Variants in FAM98B observed in about 807,000 individuals in gnomAD.
The protein encoded by FAM98B is tRNA-splicing ligase complex subunit FAM98B.
A neutral mutation model predicts 43.9 loss-of-function variants in FAM98B; 32 were observed. The ratio of observed to expected loss-of-function variants is 0.73; its 90% CI spans 0.55 to 0.98. The LOEUF is 0.98. FAM98B is among the 50% of genes least tolerant of loss of function. The pLI is 0.00. For missense variants in FAM98B, 514 were observed against 522.9 expected, an observed-to-expected ratio of 0.98 and a Z score of 0.17; for synonymous variants, 190 against 174.0, an observed-to-expected ratio of 1.09 and a Z score of -0.72.
intron 6 of FAM98B, among the ~76,000 whole-genome samples, chr15:38,476,562 A>T (rs1202674689): frequency 1.3e-5 from 2 of 151,406 alleles, no homozygotes; most frequent in Non-Finnish European, 2.9e-5. Flanking sequence ...TTTCTCAGAA[A>T]TGTTTTTAAC....
intron 2 of FAM98B, among the ~76,000 whole-genome samples, chr15:38,464,669 G>A (rs1295054914): frequency 1.3e-5 from 2 of 152,122 alleles, no homozygotes; most frequent in Non-Finnish European, 2.9e-5. Context: ...TTAGTAACTG[G>A]AGTCCTGTGG....
At chr15:38,458,893 G>GT in intron 1 of FAM98B, 1 of 442,112 alleles carries the variant, frequency 2.3e-6, no homozygotes, top group Admixed American at 2.5e-5. Context: ...GGTGGAAGAT[G>GT]TAAGAAGCAG....
At position 38,474,418 on chromosome 15, in the gene FAM98B, C is replaced by T. The variant is rs1469657866; in HGVS notation, c.729+120C>T. ...TTCATCACCATCTCAACTACATGCC[C>T]AGGCCAACTACTGGTCTTACAAGAT... On this transcript the variant is annotated intron_variant, in intron 6 of 7. Coordinates refer to ENST00000397609, the MANE Select transcript of FAM98B (RefSeq NM_173611.4). 6.6e-6 allele frequency: 4 copies of T among 602,316 alleles called. No homozygotes were observed. The East Asian group carries it at 7.7e-5, about 12-fold the overall frequency. 37.3% of individuals were successfully genotyped at this position (602,316 alleles called of 1,614,324 possible).
At chr15:38,468,749 C>A (rs1890077577) in intron 3 of FAM98B, among the ~76,000 whole-genome samples, 1 of 152,166 alleles carries the variant, frequency 6.6e-6, no homozygotes, top group African/African-American at 2.4e-5. Flanking sequence ...CCAACTCCTA[C>A]TTGTAGATCT....
chr15:38,468,383 C>A lies in FAM98B; in HGVS notation c.353-1844C>A, dbSNP rs150783241. Among the ~76,000 whole-genome samples, 537 of 152,108 alleles carry A rather than the reference C, an allele frequency of 3.5e-3. 3 individuals are homozygous for A. Among genetic ancestry groups the A allele is most frequent in the African/African-American group, 0.012 (511 of 41,460 alleles). ...GGGACTACAGGCGTACACCACCATG[C>A]CTAGCAAATTTTTAAAAAATATTTT... is the stretch of plus-strand genomic sequence containing the variant. On this transcript the variant is annotated intron_variant, in intron 3 of 7. Coordinates refer to ENST00000397609, the MANE Select transcript of FAM98B (RefSeq NM_173611.4).
chr15:38,484,081 A>G (rs367743961), intron 7 of FAM98B, among the ~76,000 whole-genome samples, 174 bp from the exon 8 acceptor site: 9 of 151,672 alleles, frequency 5.9e-5, no homozygotes, highest in Non-Finnish European at 4.4e-5. Context: ...CCTTTAACAG[A>G]TTTCTCCTTA....
chr15:38,459,247 C>G, intron 1 of FAM98B: 2 of 473,922 alleles, frequency 4.2e-6, no homozygotes, highest in Non-Finnish European at 8.4e-6. Context: ...CACACAGATC[C>G]TCCTTTGATC....
intron 3 of FAM98B, among the ~76,000 whole-genome samples, chr15:38,469,227 G>A (rs1046257442): frequency 2.4e-4 from 26 of 109,866 alleles, no homozygotes; most frequent in Admixed American, 4.6e-4. Flanking sequence ...CTTACCTACC[G>A]TAGTGAAGAG....
intron 1 of FAM98B, among the ~76,000 whole-genome samples, chr15:38,456,843 T>A (rs1220186018): frequency 6.6e-6 from 1 of 152,212 alleles, no homozygotes; most frequent in Non-Finnish European, 1.5e-5. Flanking sequence ...AGGAGGCTAA[T>A]GTGGTTGGAA....
chr15:38,484,787 TGA>T lies in FAM98B; in HGVS notation c.*129_*130del. Reference sequence around the variant, plus strand: ...TTAGACTCCCTGGTGATACCACTCTTGAATTGGTTAATATGTAAGAACATTGT... The same window carrying T: ...TTAGACTCCCTGGTGATACCACTCTTATTGGTTAATATGTAAGAACATTGT... On this transcript the variant is annotated 3_prime_UTR_variant, in exon 8 of 8. Coordinates refer to ENST00000397609, the MANE Select transcript of FAM98B (RefSeq NM_173611.4). The T allele has an allele frequency of 7.3e-7, 1 of 1,363,014 alleles. No individual in the cohort carries two copies. The highest frequency in any genetic ancestry group is 9.6e-7 in the Non-Finnish European group (1 of 1,046,174). 84.4% of individuals were successfully genotyped at this position (1,363,014 alleles called of 1,614,324 possible).
chr15:38,484,243 T>G lies in FAM98B; in HGVS notation c.898-12T>G. On this transcript the variant is annotated splice_polypyrimidine_tract_variant and intron_variant, in intron 7 of 7. Transcript: ENST00000397609. Reference sequence around the variant, plus strand: ...AATATTAGGAACTAAAAGAAAATGTTTCTTCACACAGGTGCTGATGGGAAG... The same window carrying G: ...AATATTAGGAACTAAAAGAAAATGTGTCTTCACACAGGTGCTGATGGGAAG... 6.5e-7 allele frequency: 1 copy of G among 1,544,776 alleles called. No homozygotes were observed.
chr15:38,462,554 A>T (rs1438020392), intron 1 of FAM98B, among the ~76,000 whole-genome samples: 1 of 152,200 alleles, frequency 6.6e-6, no homozygotes, highest in Non-Finnish European at 1.5e-5. Context: ...AAAAAATTAA[A>T]CTGTAATTTT....
chr15:38,485,554 A>G lies in FAM98B; in HGVS notation c.*895A>G, dbSNP rs1890356135. On this transcript the variant is annotated 3_prime_UTR_variant, in exon 8 of 8. Coordinates refer to ENST00000397609, the MANE Select transcript of FAM98B (RefSeq NM_173611.4). ...GCATCCTGTGGTAATTCTGATTCACAGCTAGATTTGGGAAACACAAAGTTA... is the reference window on the plus strand; with the variant it reads ...GCATCCTGTGGTAATTCTGATTCACGGCTAGATTTGGGAAACACAAAGTTA... 1 of 152,274 alleles carries G rather than the reference A, an allele frequency of 6.6e-6. No homozygotes were observed. The highest frequency in any genetic ancestry group is 6.5e-5 in the Admixed American group (1 of 15,290). The allele number at this position is 152,274 out of a possible 1,614,324, so 9.4% of individuals were successfully genotyped here.
chr15:38,479,390 G>T (rs1407556173), intron 6 of FAM98B, among the ~76,000 whole-genome samples: 1 of 152,162 alleles, frequency 6.6e-6, no homozygotes, highest in East Asian at 1.9e-4. Flanking sequence ...CCTCTCAGCA[G>T]TCATTCCCAA....
chr15:38,470,148 T>G (rs1890101284), intron 3 of FAM98B, 79 bp from the exon 4 acceptor site: 1 of 1,194,590 alleles, frequency 8.4e-7, no homozygotes, highest in African/African-American at 1.6e-5. Context: ...GATACTTGTT[T>G]TAAGTGAATA....
intron 6 of FAM98B, among the ~76,000 whole-genome samples, chr15:38,477,052 CT>C (rs1302318439): frequency 6.6e-6 from 1 of 151,780 alleles, no homozygotes; most frequent in Non-Finnish European, 1.5e-5. Context: ...AATCTCAACA[CT>C]TTGGGAGGTT....
chr15:38,474,044 A>C, intron 5 of FAM98B, 138 bp from the exon 6 acceptor site: 2 of 603,492 alleles, frequency 3.3e-6, no homozygotes, highest in Non-Finnish European at 5.9e-6. Flanking sequence ...ATTTACCATA[A>C]AGTCTCATGG....
At chr15:38,468,086 A>G (rs756032915) in intron 3 of FAM98B, among the ~76,000 whole-genome samples, 3 of 152,192 alleles carry the variant, frequency 2.0e-5, no homozygotes, top group Admixed American at 6.5e-5. Flanking sequence ...ACTGCTTACT[A>G]TCTGCATGGA....
In FAM98B at chr15:38,486,605, T is replaced by A. The variant is rs1418546225; in HGVS notation, c.*1946T>A. ...GTGCTGCTTGGGTTATTCACTACAA[T>A]CACTTATTTCCTATCAAAGTTTAGC... On this transcript the variant is annotated 3_prime_UTR_variant, in exon 8 of 8. Coordinates refer to ENST00000397609, the MANE Select transcript of FAM98B (RefSeq NM_173611.4). The A allele has an allele frequency of 2.6e-5, 4 of 152,162 alleles. No individual in the cohort carries two copies. Among genetic ancestry groups the A allele is most frequent in the African/African-American group, 7.2e-5 (3 of 41,456 alleles). The allele number at this position is 152,162 out of a possible 1,614,324, so 9.4% of individuals were successfully genotyped here.
Sources: gnomAD v4.1 joint callset for allele counts (sites outside exome capture counted in the v4.1 genomes callset) on GRCh38, gnomAD v4.1.1 for gene constraint, MANE v1.5 for transcripts, NCBI Gene and HGNC (gene_info 2026-07-23, HGNC 2026-07-21) for gene names.